TBC1D2B: variants seen among roughly 807,000 people sequenced by gnomAD.
TBC1D2B encodes TBC1 domain family member 2B.
A neutral mutation model predicts 100.8 loss-of-function variants in TBC1D2B; 64 were observed. That is an observed-to-expected ratio of 0.64 (90% CI 0.52 to 0.78). The LOEUF (loss-of-function observed/expected upper bound fraction) is 0.78, where lower values mean the gene tolerates loss of function less well. Among genes scored for constraint, TBC1D2B ranks in the 30% least tolerant of loss-of-function variants. The probability of loss-of-function intolerance (pLI) is 0.00; values close to 1 mark genes in which losing one functional copy is unlikely to be tolerated. For missense variants in TBC1D2B, 1,052 were observed against 1,218.4 expected (o/e 0.86, Z 2.03); for synonymous variants, 480 against 479.7 (o/e 1.00, Z -0.01).
intron 2 of TBC1D2B, among the ~76,000 whole-genome samples, chr15:78,053,197 G>A (rs1202189613): frequency 2.6e-5 from 4 of 152,208 alleles, no homozygotes; most frequent in Non-Finnish European, 4.4e-5. Flanking sequence ...GTGTTCTGCT[G>A]AGCAGAGGGT....
chr15:78,012,704 T>C (rs2072261877), intron 9 of TBC1D2B, 119 bp downstream of exon 9: 2 of 1,175,070 alleles, frequency 1.7e-6, no homozygotes, highest in Non-Finnish European at 2.2e-6. Flanking sequence ...TGCAACTACT[T>C]TTTTCTCTTA....
rs1423039316 is a variant in TBC1D2B, at chr15:77,997,801, T to C, written c.*359A>G. On this transcript the variant is annotated 3_prime_UTR_variant, in exon 13 of 13. Transcript: ENST00000300584. ...TGCCCACTATGTACAGGAGAGAGAA[T>C]ATGGGGAGATGCCCAGCAAAGCAAG... 23 of 188,430 alleles carry C rather than the reference T, an allele frequency of 1.2e-4. No homozygotes were observed. Among genetic ancestry groups the C allele is most frequent in the African/African-American group, 1.4e-4 (6 of 42,532 alleles). The allele number at this position is 188,430 out of a possible 1,614,324, so 11.7% of individuals were successfully genotyped here.
At chr15:78,032,288 G>A (rs2072835640) in intron 3 of TBC1D2B, among the ~76,000 whole-genome samples, 1 of 152,016 alleles carries the variant, frequency 6.6e-6, no homozygotes. Flanking sequence ...GGCTACTGAT[G>A]GTATCCCTAA....
chr15:78,044,860 A>G, intron 3 of TBC1D2B, 40 bp downstream of exon 3: 1 of 1,518,284 alleles, frequency 6.6e-7, no homozygotes, highest in Non-Finnish European at 8.9e-7. Flanking sequence ...ATCAGAAACA[A>G]CCCATTTTCA....
intron 3 of TBC1D2B, among the ~76,000 whole-genome samples, chr15:78,032,499 C>T (rs2072841416): frequency 6.6e-6 from 1 of 151,162 alleles, no homozygotes; most frequent in Non-Finnish European, 1.5e-5. Context: ...CAGGCATGCA[C>T]GAAGTGGGAA....
At chr15:78,043,559 C>T (rs2073132720) in intron 3 of TBC1D2B, among the ~76,000 whole-genome samples, 1 of 152,132 alleles carries the variant, frequency 6.6e-6, no homozygotes, top group African/African-American at 2.4e-5. Flanking sequence ...TCACCACCCC[C>T]AGCTAATGGA....
chr15:78,033,531 G>A (rs1311794495), intron 3 of TBC1D2B, among the ~76,000 whole-genome samples: 4 of 152,208 alleles, frequency 2.6e-5, no homozygotes, highest in Non-Finnish European at 5.9e-5. Flanking sequence ...AAAGGAACGT[G>A]AAGGAATTTT....
intron 12 of TBC1D2B, 69 bp downstream of exon 12, chr15:78,001,550 G>T: frequency 2.0e-6 from 3 of 1,513,510 alleles, no homozygotes; most frequent in Admixed American, 2.1e-5. Context: ...GCAAGGACAG[G>T]CTGCTCTCAA....
chr15:78,040,771 GAGAA>G (rs199791716), intron 3 of TBC1D2B, among the ~76,000 whole-genome samples: 7,151 of 138,180 alleles, frequency 0.052, 243 homozygotes, highest in Middle Eastern at 0.14. Flanking sequence ...GAGAGGAAGA[GAGAA>G]AGAAAGAAAG....
At chr15:78,008,880 A>T in intron 10 of TBC1D2B, 117 bp downstream of exon 10, 1 of 677,126 alleles carries the variant, frequency 1.5e-6, no homozygotes, top group Non-Finnish European at 2.6e-6. Context: ...TTCAGGAATC[A>T]GTCTCTGAAG....
Position 78,024,358 on chromosome 15 carries a change from T to G in TBC1D2B, c.1268A>C (p.Gln423Pro). 1 of 1,614,074 alleles carries G rather than the reference T, an allele frequency of 6.2e-7. No homozygotes were observed. Among genetic ancestry groups the G allele is most frequent in the Non-Finnish European group, 8.5e-7 (1 of 1,179,904 alleles). The change falls in exon 6 of 13, where the codon CAG (glutamine) becomes CCG (proline). Residue 423 changes from glutamine (Q) to proline (P), a missense_variant. Transcript: ENST00000300584. ...GCTCTTCAGCGTCCTTACTTCCTGC[T>G]GAAGACTCTCCTTCTCCAAGCTGAA... Reference protein sequence around the residue: ...ERFSLEKESLQQEVRTLKSKV... With the variant: ...ERFSLEKESLPQEVRTLKSKV...
chr15:78,067,598 T>C (rs376573712), intron 1 of TBC1D2B, among the ~76,000 whole-genome samples: 1 of 152,230 alleles, frequency 6.6e-6, no homozygotes. Flanking sequence ...AGGCCTGCCA[T>C]CTGACACTCA....
intron 3 of TBC1D2B, among the ~76,000 whole-genome samples, chr15:78,035,242 T>C (rs1257412215): frequency 6.6e-6 from 1 of 152,248 alleles, no homozygotes; most frequent in Non-Finnish European, 1.5e-5. Flanking sequence ...TGTATCATCG[T>C]TAAGAAAACC....
At chr15:78,011,642 TTGG>T (rs1316898120) in intron 9 of TBC1D2B, among the ~76,000 whole-genome samples, 145 of 5,032 alleles carry the variant, frequency 0.029, 1 homozygote, top group African/African-American at 0.09. Flanking sequence ...AGCTAATTTT[TTGG>T]TTTTTTTTTT....
At chr15:78,025,589 CA>C in intron 4 of TBC1D2B, 92 bp from the exon 5 acceptor site, 1 of 951,716 alleles carries the variant, frequency 1.1e-6, no homozygotes, top group South Asian at 2.1e-5. Context: ...TGCAGTGGCG[CA>C]ATGTCGGCTC....
intron 10 of TBC1D2B, among the ~76,000 whole-genome samples, chr15:78,004,567 C>T (rs1395935043): frequency 1.3e-5 from 2 of 152,236 alleles, no homozygotes; most frequent in African/African-American, 4.8e-5. Context: ...TCACCCACTC[C>T]ACGTGAACCG....
At chr15:78,048,751 T>C (rs2073251991) in intron 2 of TBC1D2B, among the ~76,000 whole-genome samples, 1 of 152,214 alleles carries the variant, frequency 6.6e-6, no homozygotes, top group Admixed American at 6.5e-5. Context: ...CTCCTCCTAA[T>C]GGGACTCCCC....
chr15:78,070,308 C>T (rs1314778033), intron 1 of TBC1D2B, among the ~76,000 whole-genome samples: 2 of 152,108 alleles, frequency 1.3e-5, no homozygotes, highest in Non-Finnish European at 2.9e-5. Context: ...TCAAATGTCG[C>T]TTCTTCAGGA....
At chr15:78,039,737 G>A (rs190569037) in intron 3 of TBC1D2B, among the ~76,000 whole-genome samples, 69 of 139,536 alleles carry the variant, frequency 4.9e-4, no homozygotes, top group African/African-American at 1.8e-3. Flanking sequence ...CACCCATCCA[G>A]TAGAGAGGCT....
Sources: allele counts gnomAD v4.1 joint callset (sites outside exome capture counted in the v4.1 genomes callset), GRCh38; gene constraint gnomAD v4.1.1; transcripts MANE v1.5; gene names NCBI Gene and HGNC (gene_info 2026-07-23, HGNC 2026-07-21).